Variants in SUCLG2 observed in about 807,000 individuals in gnomAD.
SUCLG2 encodes the protein succinate--CoA ligase [GDP-forming] subunit beta, mitochondrial.
SUCLG2 carries 42 observed loss-of-function variants against 47.9 expected under a neutral mutation model. The observed-to-expected ratio is 0.88, with a 90% CI of 0.69 to 1.14. The LOEUF (loss-of-function observed/expected upper bound fraction) is 1.14, where lower values mean the gene tolerates loss of function less well. SUCLG2 is among the 50% of genes most tolerant of loss of function. The pLI is 0.00. For missense variants in SUCLG2, 571 were observed against 525.9 expected (o/e 1.09, Z -0.84); for synonymous variants, 195 against 197.3 (o/e 0.99, Z 0.10).
At chr3:67,439,118 C>G (rs181298987) in intron 9 of SUCLG2, among the ~76,000 whole-genome samples, 1 of 152,288 alleles carries the variant, frequency 6.6e-6, no homozygotes, top group Admixed American at 6.5e-5. Flanking sequence ...ATCACATAAA[C>G]AGAACCAATG....
chr3:67,533,314 C>A (rs1373282834), intron 2 of SUCLG2, among the ~76,000 whole-genome samples: 1 of 152,158 alleles, frequency 6.6e-6, no homozygotes, highest in East Asian at 1.9e-4. Context: ...AAATGTATCA[C>A]TGATACTGCA....
chr3:67,432,443 C>CTGTTG (rs1703509592), intron 9 of SUCLG2, among the ~76,000 whole-genome samples: 1 of 152,162 alleles, frequency 6.6e-6, no homozygotes, highest in South Asian at 2.1e-4. Flanking sequence ...AAACCTTGGG[C>CTGTTG]AAACAGCTGC....
chr3:67,441,754 C>T (rs1379058927), intron 9 of SUCLG2, among the ~76,000 whole-genome samples: 1 of 152,180 alleles, frequency 6.6e-6, no homozygotes, highest in Non-Finnish European at 1.5e-5. Flanking sequence ...AACATACTTG[C>T]TGTTAGGAAA....
intron 6 of SUCLG2, among the ~76,000 whole-genome samples, chr3:67,510,421 T>C (rs1705754860): frequency 6.6e-6 from 1 of 152,224 alleles, no homozygotes; most frequent in Non-Finnish European, 1.5e-5. Flanking sequence ...TACATGTATA[T>C]GATACAAAAT....
intron 10 of SUCLG2, among the ~76,000 whole-genome samples, chr3:67,380,101 TAAC>T (rs1702121341): frequency 6.6e-6 from 1 of 151,972 alleles, no homozygotes; most frequent in Non-Finnish European, 1.5e-5. Context: ...CTTGCTGTCC[TAAC>T]AACCCTTTCC....
intron 9 of SUCLG2, among the ~76,000 whole-genome samples, chr3:67,422,751 G>A (rs543690321): frequency 6.6e-6 from 1 of 152,170 alleles, no homozygotes; most frequent in East Asian, 1.9e-4. Context: ...ATGCCTATAG[G>A]GAGGTAACTG....
intron 2 of SUCLG2, among the ~76,000 whole-genome samples, chr3:67,579,583 G>C (rs1015404163): frequency 6.6e-6 from 1 of 152,186 alleles, no homozygotes; most frequent in Non-Finnish European, 1.5e-5. Context: ...TTGCAGAGGG[G>C]TCTCTCTGTC....
At chr3:67,504,603 T>C (rs1266119015) in intron 7 of SUCLG2, among the ~76,000 whole-genome samples, 1 of 152,196 alleles carries the variant, frequency 6.6e-6, no homozygotes, top group Non-Finnish European at 1.5e-5. Context: ...GGTCGTTCTC[T>C]GTGAACAGGG....
chr3:67,446,588 C>T (rs945497791), intron 9 of SUCLG2, among the ~76,000 whole-genome samples: 10 of 150,412 alleles, frequency 6.6e-5, no homozygotes, highest in African/African-American at 2.2e-4. Flanking sequence ...TGCCACCACG[C>T]CTGGCTAATT....
Position 67,464,666 on chromosome 3 carries a change from G to A in SUCLG2, c.1062+31132C>T, listed in dbSNP as rs1011867790. On this transcript the variant is annotated intron_variant, in intron 9 of 10. Coordinates refer to ENST00000307227, the MANE Select transcript of SUCLG2 (RefSeq NM_003848.4). ...AAGGAAGCATAGGAACTGTCACAAC[G>A]AGAAAATATTCTTATTAATCACATT... Among the ~76,000 whole-genome samples, 5 of 152,198 alleles carry A rather than the reference G, an allele frequency of 3.3e-5. No homozygotes were observed. In the South Asian group the frequency reaches 8.3e-4, roughly 25 times the overall value.
At chr3:67,638,243 C>T (rs928837959) in intron 1 of SUCLG2, among the ~76,000 whole-genome samples, 1 of 152,142 alleles carries the variant, frequency 6.6e-6, no homozygotes, top group African/African-American at 2.4e-5. Flanking sequence ...AATGATAGTA[C>T]CTATGTTACA....
At chr3:67,566,975 A>G (rs992329764) in intron 2 of SUCLG2, among the ~76,000 whole-genome samples, 2 of 152,184 alleles carry the variant, frequency 1.3e-5, no homozygotes, top group South Asian at 2.1e-4. Flanking sequence ...ACTTGAGCTC[A>G]GGAATTCAAG....
chr3:67,593,774 C>T lies in SUCLG2; in HGVS notation c.226+15681G>A, dbSNP rs113719032. 6.5e-3 allele frequency among the ~76,000 whole-genome samples: 985 copies of T among 152,296 alleles called. 10 individuals carry two copies. Among genetic ancestry groups the T allele is most frequent in the African/African-American group, 0.022 (911 of 41,552 alleles). On this transcript the variant is annotated intron_variant, in intron 2 of 10. Coordinates refer to ENST00000307227, the MANE Select transcript of SUCLG2 (RefSeq NM_003848.4). ...TTTTGAGCAATCAAGAGCAGTTGGT[C>T]ACCCCCGACTATGGTGAACTTTTTA...
At position 67,376,207 on chromosome 3, in the gene SUCLG2, G is replaced by A. The variant is rs538740742; in HGVS notation, c.1184-348C>T. The A allele has an allele frequency of 1.5e-3, 1,478 of 985,388 alleles. 2 individuals carry two copies. Among genetic ancestry groups the A allele is most frequent in the Non-Finnish European group, 1.7e-3 (1,422 of 829,914 alleles). 61.0% of individuals were successfully genotyped at this position (985,388 alleles called of 1,614,324 possible). On this transcript the variant is annotated intron_variant, in intron 10 of 10. Coordinates refer to ENST00000307227, the MANE Select transcript of SUCLG2 (RefSeq NM_003848.4). ...TAAAGCCCTCTCAGACGTCATCAGG[G>A]GTTTGGGCTGTGACCTGATTTGAGA... is the stretch of plus-strand genomic sequence containing the variant.
chr3:67,392,452 G>C (rs1031468426), intron 10 of SUCLG2, among the ~76,000 whole-genome samples: 1 of 152,180 alleles, frequency 6.6e-6, no homozygotes, highest in African/African-American at 2.4e-5. Context: ...CACAGGACCT[G>C]ATCAAAGTAT....
At chr3:67,540,382 G>A (rs955808526) in intron 2 of SUCLG2, among the ~76,000 whole-genome samples, 11 of 152,156 alleles carry the variant, frequency 7.2e-5, no homozygotes, top group East Asian at 2.0e-4. Flanking sequence ...TGCCATTACT[G>A]AGGCTTGAGT....
downstream of SUCLG2, among the ~76,000 whole-genome samples, chr3:67,373,568 T>A (rs1399846632): frequency 1.3e-5 from 2 of 152,242 alleles, no homozygotes; most frequent in South Asian, 4.2e-4. Context: ...ATTTATTGTA[T>A]AGAAGACCAC....
intron 2 of SUCLG2, among the ~76,000 whole-genome samples, chr3:67,538,474 G>A (rs576282046): frequency 6.6e-6 from 1 of 152,288 alleles, no homozygotes; most frequent in South Asian, 2.1e-4. Flanking sequence ...TTGTAGTGCA[G>A]TTTGAAGTCA....
At chr3:67,383,552 G>A (rs1005668247) in intron 10 of SUCLG2, among the ~76,000 whole-genome samples, 1 of 152,146 alleles carries the variant, frequency 6.6e-6, no homozygotes, top group South Asian at 2.1e-4. Flanking sequence ...AACACTCGAG[G>A]TGTGAATGTG....
Sources: gnomAD v4.1 joint callset for allele counts (sites outside exome capture counted in the v4.1 genomes callset) on GRCh38, gnomAD v4.1.1 for gene constraint, MANE v1.5 for transcripts, NCBI Gene and HGNC (gene_info 2026-07-23, HGNC 2026-07-21) for gene names.